RNF185: variants seen among roughly 807,000 people sequenced by gnomAD.
RNF185 encodes ring finger protein 185, also known as E3 ubiquitin-protein ligase RNF185.
Under a neutral mutation model 24.9 loss-of-function variants are expected in RNF185, and 13 were observed. That is an observed-to-expected ratio of 0.52 (90% CI 0.34 to 0.83). The LOEUF (loss-of-function observed/expected upper bound fraction) is 0.83. Among genes scored for constraint, RNF185 ranks in the 40% least tolerant of loss-of-function variants. The pLI is 0.01. For synonymous variants in RNF185, 79 were observed against 90.3 expected, an observed-to-expected ratio of 0.88 and a Z score of 0.71; for missense variants, 184 against 244.7, an observed-to-expected ratio of 0.75 and a Z score of 1.65.
At chr22:31,162,897 T>C (rs1046848288) in intron 1 of RNF185, among the ~76,000 whole-genome samples, 14 of 151,832 alleles carry the variant, frequency 9.2e-5, no homozygotes, top group Admixed American at 7.9e-4. Context: ...CCCGAATAGC[T>C]GGGACTACAG....
At chr22:31,195,679 A>G (rs2048199301) in intron 4 of RNF185, 98 bp downstream of exon 4, 2 of 750,514 alleles carry the variant, frequency 2.7e-6, no homozygotes, top group East Asian at 5.4e-5. Context: ...TTAGTACTAG[A>G]TGATCTCTTG....
intron 1 of RNF185, among the ~76,000 whole-genome samples, chr22:31,161,516 T>A (rs192566838): frequency 6.6e-6 from 1 of 152,370 alleles, no homozygotes; most frequent in Admixed American, 6.5e-5. Flanking sequence ...ACCCAATATC[T>A]GATAGAGGCA....
chr22:31,184,378 C>T lies in RNF185; in HGVS notation c.-48-2669C>T, dbSNP rs528958813. ...GGATGGGCGGCCAGGGAGAGACTCT[C>T]CTCACTTCCTAGACGGGATGACCGC... On this transcript the variant is annotated intron_variant, in intron 1 of 6. Transcript: ENST00000326132. 7.9e-5 allele frequency among the ~76,000 whole-genome samples: 12 copies of T among 151,952 alleles called. 1 individual carries two copies. The South Asian group carries it at 2.3e-3, about 29-fold the overall frequency.
chr22:31,168,427 G>T (rs1265860740), intron 1 of RNF185, among the ~76,000 whole-genome samples: 1 of 152,130 alleles, frequency 6.6e-6, no homozygotes, highest in East Asian at 1.9e-4. Flanking sequence ...AAGATAAAAT[G>T]ATTTTCCGTT....
intron 2 of RNF185, among the ~76,000 whole-genome samples, chr22:31,187,480 C>T (rs1602831775): frequency 6.6e-6 from 1 of 152,208 alleles, no homozygotes; most frequent in Non-Finnish European, 1.5e-5. Flanking sequence ...TCGTTCTCCC[C>T]ATCTCTAAAG....
At chr22:31,178,050 A>C (rs893001140) in intron 1 of RNF185, among the ~76,000 whole-genome samples, 20 of 152,196 alleles carry the variant, frequency 1.3e-4, no homozygotes, top group Non-Finnish European at 2.2e-4. Context: ...GGGTCAGTCA[A>C]CTTCAGCCGC....
intron 6 of RNF185, among the ~76,000 whole-genome samples, chr22:31,202,102 CACA>C (rs2048268805): frequency 6.6e-6 from 1 of 152,248 alleles, no homozygotes; most frequent in African/African-American, 2.4e-5. Flanking sequence ...TCCTTCAGGA[CACA>C]ACATGAGGCT....
At chr22:31,166,870 G>A (rs147638125) in intron 1 of RNF185, among the ~76,000 whole-genome samples, 4,204 of 152,082 alleles carry the variant, frequency 0.028, 82 homozygotes, top group Middle Eastern at 0.044. Context: ...GGCTGGTCTC[G>A]AACTCCTGAC....
intron 1 of RNF185, among the ~76,000 whole-genome samples, chr22:31,175,653 A>G (rs1016256667): frequency 6.6e-6 from 1 of 152,138 alleles, no homozygotes; most frequent in African/African-American, 2.4e-5. Flanking sequence ...TACTAATAAT[A>G]TAGTCAAGCA....
intron 1 of RNF185, among the ~76,000 whole-genome samples, chr22:31,170,379 A>T (rs1861657023): frequency 6.6e-6 from 1 of 151,818 alleles, no homozygotes; most frequent in African/African-American, 2.4e-5. Flanking sequence ...TTTAGTAGAG[A>T]CGAGGTTTCA....
At chr22:31,178,944 T>C (rs2048008434) in intron 1 of RNF185, among the ~76,000 whole-genome samples, 1 of 152,180 alleles carries the variant, frequency 6.6e-6, no homozygotes, top group Non-Finnish European at 1.5e-5. Flanking sequence ...TGTTAGGAAG[T>C]CTGAATTTGG....
At chr22:31,171,610 TTCAAAATGGTA>T (rs775555748) in intron 1 of RNF185, among the ~76,000 whole-genome samples, 17 of 152,212 alleles carry the variant, frequency 1.1e-4, no homozygotes, top group Non-Finnish European at 2.9e-5. Context: ...TTATAGACTT[TTCAAAATGGTA>T]TCATTTTGGT....
At position 31,206,491 on chromosome 22, in the gene RNF185, G is replaced by T. The variant is rs983688450; in HGVS notation, c.*1905G>T. ...GTGCAGTGGCCCCAACTAGTGGAGG[G>T]AGAGAGGACTTAAGTCAGATGGACT... On this transcript the variant is annotated 3_prime_UTR_variant, in exon 7 of 7. Transcript: ENST00000326132. 6.6e-6 allele frequency: 1 copy of T among 152,162 alleles called. No homozygotes were observed. Among genetic ancestry groups the T allele is most frequent in the Non-Finnish European group, 1.5e-5 (1 of 68,030 alleles). 9.4% of individuals were successfully genotyped at this position (152,162 alleles called of 1,614,324 possible).
At chr22:31,198,704 CTTTTTTTTTTTTT>C (rs1196076379) in intron 5 of RNF185, among the ~76,000 whole-genome samples, 14 of 69,680 alleles carry the variant, frequency 2.0e-4, no homozygotes, top group Non-Finnish European at 2.6e-4. Context: ...CTGCCACTTT[CTTTTTTTTTTTTT>C]TTTTTTTTTT....
At chr22:31,181,516 A>G (rs755506297) in intron 1 of RNF185, among the ~76,000 whole-genome samples, 27 of 152,142 alleles carry the variant, frequency 1.8e-4, no homozygotes, top group Non-Finnish European at 2.9e-4. Context: ...AATCCCAAAC[A>G]TTGTATTGCT....
At chr22:31,198,275 A>G (rs1397322125) in intron 5 of RNF185, among the ~76,000 whole-genome samples, 1 of 150,924 alleles carries the variant, frequency 6.6e-6, no homozygotes, top group Non-Finnish European at 1.5e-5. Flanking sequence ...TTTCCATGCT[A>G]TTGCTGGGAA....
intron 1 of RNF185, among the ~76,000 whole-genome samples, chr22:31,171,431 T>C (rs1034006997): frequency 1.3e-5 from 2 of 151,834 alleles, no homozygotes; most frequent in African/African-American, 4.8e-5. Context: ...TCCACCCGCC[T>C]TGGCCTCCCA....
At chr22:31,176,632 G>A (rs2047985711) in intron 1 of RNF185, among the ~76,000 whole-genome samples, 1 of 151,804 alleles carries the variant, frequency 6.6e-6, no homozygotes, top group African/African-American at 2.4e-5. Context: ...GGGACTACAG[G>A]TGCCCGCCAC....
At chr22:31,190,613 GTC>G (rs1555882704) in intron 2 of RNF185, among the ~76,000 whole-genome samples, 38 of 148,878 alleles carry the variant, frequency 2.6e-4, no homozygotes, top group Non-Finnish European at 4.5e-5. Flanking sequence ...TTGAGATGGA[GTC>G]TCACTGCGTC....
Sources: gnomAD v4.1 joint callset for allele counts (sites outside exome capture counted in the v4.1 genomes callset) on GRCh38, gnomAD v4.1.1 for gene constraint, MANE v1.5 for transcripts, NCBI Gene and HGNC (gene_info 2026-07-23, HGNC 2026-07-21) for gene names.